The following TSEN15 variants were observed in gnomAD, a reference collection of about 807,000 sequenced individuals.
The protein encoded by TSEN15 is tRNA splicing endonuclease subunit 15, also known as tRNA-splicing endonuclease subunit Sen15.
In TSEN15, 10 loss-of-function variants were observed where a neutral mutation model predicts 20.5. That is an observed-to-expected ratio of 0.49 (90% CI 0.30 to 0.83). The LOEUF is 0.83. TSEN15 is among the 40% of genes least tolerant of loss of function. The pLI is 0.06. For missense variants in TSEN15, 180 were observed against 218.6 expected (o/e 0.82, Z 1.11); for synonymous variants, 72 against 80.1 (o/e 0.90, Z 0.54).
intron 1 of TSEN15, 125 bp from the exon 2 acceptor site, chr1:184,054,229 T>G (rs1190196509): frequency 1.6e-5 from 9 of 574,676 alleles, no homozygotes; most frequent in Non-Finnish European, 2.6e-5. Flanking sequence ...TTATATTGCC[T>G]TTTAACTTCC....
At position 184,086,612 on chromosome 1, in the gene TSEN15, C is replaced by T. The variant is rs149782807; in HGVS notation, c.354-9078C>T. ...GGATCCACTTCCAAGATAGCTCACTCACATGGCTGTTGGCAGGAGAAGGCC... is the reference window on the plus strand; with the variant it reads ...GGATCCACTTCCAAGATAGCTCACTTACATGGCTGTTGGCAGGAGAAGGCC... On this transcript the variant is annotated intron_variant, in intron 3 of 3. Coordinates refer to the TSEN15 transcript ENST00000643231. 8.9e-3 allele frequency among the ~76,000 whole-genome samples: 1,357 copies of T among 152,302 alleles called. 31 individuals carry two copies. Among genetic ancestry groups the T allele is most frequent in the African/African-American group, 0.032 (1,310 of 41,566 alleles).
chr1:184,088,325 G>C (rs1338195217), intron 3 of TSEN15, among the ~76,000 whole-genome samples: 1 of 152,152 alleles, frequency 6.6e-6, no homozygotes, highest in East Asian at 1.9e-4. Flanking sequence ...AGCATCGGAC[G>C]TTAAAAACGC....
At chr1:184,070,865 C>A in intron 3 of TSEN15, 1 of 202,162 alleles carries the variant, frequency 4.9e-6, no homozygotes, top group Non-Finnish European at 9.8e-6. Context: ...TTTTTAAGGA[C>A]TAAGTCAATT....
At chr1:184,083,378 G>A (rs1651205205) in intron 3 of TSEN15, among the ~76,000 whole-genome samples, 1 of 152,146 alleles carries the variant, frequency 6.6e-6, no homozygotes, top group Non-Finnish European at 1.5e-5. Context: ...TCAAAATAAG[G>A]ATTTATAAAC....
intron 3 of TSEN15, among the ~76,000 whole-genome samples, chr1:184,092,801 A>G (rs1009206916): frequency 6.6e-6 from 1 of 152,170 alleles, no homozygotes; most frequent in African/African-American, 2.4e-5. Context: ...TCATTTCTGT[A>G]ACAGAAGAGG....
chr1:184,066,451 G>C (rs1016603131), intron 3 of TSEN15, among the ~76,000 whole-genome samples: 2 of 151,682 alleles, frequency 1.3e-5, no homozygotes, highest in Non-Finnish European at 2.9e-5. Flanking sequence ...TGCCCAAGTT[G>C]GAGTGGAGTG....
chr1:184,085,976 A>G (rs1651255114), intron 3 of TSEN15, among the ~76,000 whole-genome samples: 1 of 152,216 alleles, frequency 6.6e-6, no homozygotes, highest in South Asian at 2.1e-4. Flanking sequence ...AAAACTGTAT[A>G]TGAAATATAT....
At chr1:184,079,966 A>C (rs944229375) in intron 3 of TSEN15, among the ~76,000 whole-genome samples, 1 of 152,164 alleles carries the variant, frequency 6.6e-6, no homozygotes, top group Non-Finnish European at 1.5e-5. Flanking sequence ...CAGTGTATAA[A>C]GTTTGTGTAG....
In TSEN15 at chr1:184,084,843, T is replaced by C. The variant is rs527352666; in HGVS notation, c.354-10847T>C. Among the ~76,000 whole-genome samples, 5 of 152,138 alleles carry C rather than the reference T, an allele frequency of 3.3e-5. No homozygotes were observed. In the South Asian group the frequency reaches 1.0e-3, roughly 32 times the overall value. Reference sequence around the variant, plus strand: ...AATACTACTACAATGGCAATTAAATTTCAACATGGGTCTGGAGGGGACAAA... The same window carrying C: ...AATACTACTACAATGGCAATTAAATCTCAACATGGGTCTGGAGGGGACAAA... On this transcript the variant is annotated intron_variant, in intron 3 of 3. Coordinates refer to the TSEN15 transcript ENST00000643231.
Position 184,073,192 on chromosome 1 carries a change from G to C in TSEN15, c.*345G>C. On this transcript the variant is annotated 3_prime_UTR_variant, in exon 5 of 5. Transcript: ENST00000645668. The stretch of plus-strand genomic sequence containing the variant: ...TCTTTGTTTCTTGCTGCCACTGCCA[G>C]CTCATTGTTGAGACTGCCATTTCTT... 4.7e-6 allele frequency: 1 copy of C among 214,920 alleles called. No individual in the cohort carries two copies. Among genetic ancestry groups the C allele is most frequent in the Non-Finnish European group, 9.1e-6 (1 of 110,212 alleles). The allele number at this position is 214,920 out of a possible 1,614,324, so 13.3% of individuals were successfully genotyped here. A position where few individuals can be genotyped will look rare whatever the true frequency, so the allele number is the denominator to read the frequency against.
chr1:184,067,924 C>CAAA lies in TSEN15; in HGVS notation c.354-4217_354-4215dup, dbSNP rs71130650. 2.4e-3 allele frequency among the ~76,000 whole-genome samples: 130 copies of CAAA among 54,816 alleles called. 3 individuals carry two copies. Among genetic ancestry groups the CAAA allele is most frequent in the African/African-American group, 7.4e-3 (79 of 10,716 alleles). 36.0% of individuals were successfully genotyped at this position (54,816 alleles called of 152,430 possible). ...GGTGACAGAGCGAGACTCTCTCTCT[C>CAAA]AAAAAAAAAAAAAAAAAATATATAT... On this transcript the variant is annotated intron_variant, in intron 3 of 4. Coordinates refer to ENST00000645668, the MANE Select transcript of TSEN15 (RefSeq NM_052965.4).
intron 3 of TSEN15, among the ~76,000 whole-genome samples, chr1:184,070,106 T>G (rs1307072461): frequency 1.3e-5 from 2 of 152,142 alleles, no homozygotes; most frequent in East Asian, 1.9e-4. Flanking sequence ...AATGTTTTGC[T>G]GCTTAAATCA....
chr1:184,061,736 A>G (rs1430250051), intron 3 of TSEN15, among the ~76,000 whole-genome samples: 1 of 152,114 alleles, frequency 6.6e-6, no homozygotes, highest in Admixed American at 6.5e-5. Context: ...GTTTAATGTT[A>G]TATCTGTGTG....
At chr1:184,092,381 T>C (rs552442417) in intron 3 of TSEN15, among the ~76,000 whole-genome samples, 1 of 152,374 alleles carries the variant, frequency 6.6e-6, no homozygotes, top group Non-Finnish European at 1.5e-5. Context: ...GTAGGGACTG[T>C]TCTCTGCCTT....
intron 3 of TSEN15, among the ~76,000 whole-genome samples, chr1:184,080,126 T>G (rs541086196): frequency 6.6e-6 from 1 of 152,280 alleles, no homozygotes; most frequent in African/African-American, 2.4e-5. Context: ...ATTGTCTCCC[T>G]TGAAAGGAGA....
At chr1:184,070,019 A>G (rs1650826432) in intron 3 of TSEN15, among the ~76,000 whole-genome samples, 1 of 152,050 alleles carries the variant, frequency 6.6e-6, no homozygotes. Context: ...AACTCTGAAA[A>G]CAAAACCCCT....
intron 3 of TSEN15, chr1:184,095,280 A>G (rs1651427602): frequency 2.5e-6 from 1 of 395,576 alleles, no homozygotes; most frequent in East Asian, 3.6e-5. Flanking sequence ...ACTTCTCTTC[A>G]ATAAGAAGAA....
chr1:184,055,788 A>G (rs1210734220), intron 3 of TSEN15, among the ~76,000 whole-genome samples: 2 of 151,714 alleles, frequency 1.3e-5, no homozygotes, highest in Non-Finnish European at 2.9e-5. Flanking sequence ...TTATTTATTT[A>G]CTTAGTTATT....
At chr1:184,064,852 G>C (rs1052410905) in intron 3 of TSEN15, among the ~76,000 whole-genome samples, 1 of 152,084 alleles carries the variant, frequency 6.6e-6, no homozygotes, top group East Asian at 1.9e-4. Flanking sequence ...AAGTAACTAG[G>C]GTTTAGTCAT....
Sources: gnomAD v4.1 joint callset for allele counts (sites outside exome capture counted in the v4.1 genomes callset) on GRCh38, gnomAD v4.1.1 for gene constraint, MANE v1.5 for transcripts, NCBI Gene and HGNC (gene_info 2026-07-23, HGNC 2026-07-21) for gene names.